SPOCK3: variants seen among roughly 807,000 people sequenced by gnomAD.
SPOCK3 encodes the protein SPARC (osteonectin), cwcv and kazal like domains proteoglycan 3.
SPOCK3 carries 30 observed loss-of-function variants against 56.6 expected under a neutral mutation model. That is an observed-to-expected ratio of 0.53 (90% CI 0.40 to 0.72). The LOEUF is 0.72. Among genes scored for constraint, SPOCK3 ranks in the 30% least tolerant of loss-of-function variants. The pLI is 0.00. For synonymous variants in SPOCK3, 196 were observed against 183.3 expected, an observed-to-expected ratio of 1.07 and a Z score of -0.56; for missense variants, 527 against 530.0, an observed-to-expected ratio of 0.99 and a Z score of 0.06.
intron 6 of SPOCK3, among the ~76,000 whole-genome samples, chr4:166,801,967 A>G (rs1262138976): frequency 1.3e-5 from 2 of 152,198 alleles, no homozygotes; most frequent in African/African-American, 2.4e-5. Context: ...GAATATGTTC[A>G]TGAAGCTTTA....
chr4:166,920,011 T>C (rs1738312983), intron 4 of SPOCK3, among the ~76,000 whole-genome samples: 1 of 152,172 alleles, frequency 6.6e-6, no homozygotes, highest in Non-Finnish European at 1.5e-5. Flanking sequence ...TTTAACAATC[T>C]TATACAGTGT....
intron 5 of SPOCK3, among the ~76,000 whole-genome samples, chr4:166,907,109 T>C (rs1351959537): frequency 6.6e-6 from 1 of 152,084 alleles, no homozygotes; most frequent in Admixed American, 6.6e-5. Flanking sequence ...TGAAAGTTAA[T>C]GTAGTGAAAA....
intron 6 of SPOCK3, among the ~76,000 whole-genome samples, chr4:166,874,755 G>T (rs1579502588): frequency 6.6e-6 from 1 of 152,052 alleles, no homozygotes; most frequent in Non-Finnish European, 1.5e-5. Context: ...AATTGTATTT[G>T]GTACATGACG....
intron 6 of SPOCK3, among the ~76,000 whole-genome samples, chr4:166,879,129 G>T (rs2126973602): frequency 6.6e-6 from 1 of 152,260 alleles, no homozygotes; most frequent in South Asian, 2.1e-4. Flanking sequence ...GCAGAGTGTA[G>T]ATGGAGAAGG....
chr4:166,815,437 T>C (rs1414807514), intron 6 of SPOCK3, among the ~76,000 whole-genome samples: 2 of 152,108 alleles, frequency 1.3e-5, no homozygotes, highest in East Asian at 1.9e-4. Flanking sequence ...ATTATGTCTT[T>C]CATAAAACAC....
chr4:166,965,722 T>A (rs1006593431), intron 4 of SPOCK3, among the ~76,000 whole-genome samples: 1 of 152,070 alleles, frequency 6.6e-6, no homozygotes, highest in Non-Finnish European at 1.5e-5. Flanking sequence ...ATATCAATAT[T>A]GAGTAGCAGG....
At chr4:166,994,642 T>G (rs1748164828) in intron 4 of SPOCK3, among the ~76,000 whole-genome samples, 1 of 152,162 alleles carries the variant, frequency 6.6e-6, no homozygotes, top group Non-Finnish European at 1.5e-5. Context: ...AATGATAAGG[T>G]GTGTTGTGTA....
chr4:166,912,175 G>A (rs1293201264), intron 5 of SPOCK3, among the ~76,000 whole-genome samples: 1 of 152,106 alleles, frequency 6.6e-6, no homozygotes, highest in Non-Finnish European at 1.5e-5. Context: ...TGTGAAACTT[G>A]TCAAATTGCC....
intron 2 of SPOCK3, among the ~76,000 whole-genome samples, chr4:167,205,525 TATTA>T (rs2110979626): frequency 1.7e-5 from 1 of 57,746 alleles, no homozygotes; most frequent in East Asian, 6.0e-4. Flanking sequence ...ATATTATATA[TATTA>T]TTATATAATA....
chr4:166,973,947 T>C (rs1409278534), intron 4 of SPOCK3, among the ~76,000 whole-genome samples: 1 of 152,178 alleles, frequency 6.6e-6, no homozygotes, highest in Admixed American at 6.5e-5. Flanking sequence ...TGGCTATGGC[T>C]AAGATATGTA....
rs1026148826 is a variant in SPOCK3 at position 167,118,943 on chromosome 4, G to T, written c.190-56406C>A. On this transcript the variant is annotated intron_variant, in intron 2 of 10. Coordinates refer to ENST00000357545, the MANE Select transcript of SPOCK3 (RefSeq NM_001040159.2). ...CTGCTGGTTTAAGCCCTTCTTACTTGTACTTTGATTATTTCAGACTCTCAC... is the reference window on the plus strand; with the variant it reads ...CTGCTGGTTTAAGCCCTTCTTACTTTTACTTTGATTATTTCAGACTCTCAC... Among the ~76,000 whole-genome samples, 4 of 152,098 alleles carry T rather than the reference G, an allele frequency of 2.6e-5. No individual in the cohort carries two copies. In the East Asian group the frequency reaches 7.7e-4, roughly 29 times the overall value.
At chr4:166,948,278 AT>A (rs1366425725) in intron 4 of SPOCK3, among the ~76,000 whole-genome samples, 1 of 152,174 alleles carries the variant, frequency 6.6e-6, no homozygotes, top group Non-Finnish European at 1.5e-5. Flanking sequence ...ACCTAGATTG[AT>A]TCCATATCTT....
chr4:167,139,501 C>T (rs1218026738), intron 2 of SPOCK3, among the ~76,000 whole-genome samples: 1 of 151,918 alleles, frequency 6.6e-6, no homozygotes, highest in African/African-American at 2.4e-5. Flanking sequence ...AATAGAAACA[C>T]ATGAACTAAT....
intron 4 of SPOCK3, among the ~76,000 whole-genome samples, chr4:166,928,804 C>T (rs1739403639): frequency 6.6e-6 from 1 of 152,044 alleles, no homozygotes; most frequent in Non-Finnish European, 1.5e-5. Flanking sequence ...CCCATCTTTA[C>T]TAAAAATACA....
chr4:167,189,812 G>A (rs1483869154), intron 2 of SPOCK3, among the ~76,000 whole-genome samples: 1 of 145,468 alleles, frequency 6.9e-6, no homozygotes, highest in African/African-American at 2.6e-5. Flanking sequence ...GCCAAATGCT[G>A]TTCTACTCTC....
intron 3 of SPOCK3, among the ~76,000 whole-genome samples, chr4:167,017,264 A>G (rs747944234): frequency 1.3e-5 from 2 of 152,118 alleles, no homozygotes; most frequent in Non-Finnish European, 2.9e-5. Context: ...CACAGAGGCC[A>G]TCACACAAAA....
intron 4 of SPOCK3, among the ~76,000 whole-genome samples, chr4:166,931,592 CA>C (rs1322471024): frequency 3.9e-5 from 6 of 152,100 alleles, no homozygotes; most frequent in Admixed American, 6.6e-5. Flanking sequence ...CATAAGTGCT[CA>C]AAAATATTTA....
chr4:166,984,942 C>T (rs893583248), intron 4 of SPOCK3, among the ~76,000 whole-genome samples: 1 of 152,008 alleles, frequency 6.6e-6, no homozygotes, highest in Non-Finnish European at 1.5e-5. Context: ...GTCTTTATAA[C>T]CAAAGTGAGT....
chr4:167,173,263 T>C (rs962886516), intron 2 of SPOCK3, among the ~76,000 whole-genome samples: 2 of 152,190 alleles, frequency 1.3e-5, no homozygotes, highest in Non-Finnish European at 1.5e-5. Flanking sequence ...TACTTTTCAT[T>C]ATTTTCTGCT....
Sources: gnomAD v4.1 joint callset for allele counts (sites outside exome capture counted in the v4.1 genomes callset) on GRCh38, gnomAD v4.1.1 for gene constraint, MANE v1.5 for transcripts, NCBI Gene and HGNC (gene_info 2026-07-23, HGNC 2026-07-21) for gene names.